The following DHX57 variants were observed in gnomAD, a reference collection of about 807,000 sequenced individuals.
DHX57 encodes the protein DExH-box helicase 57.
A neutral mutation model predicts 156.2 loss-of-function variants in DHX57; 105 were observed. The observed-to-expected ratio is 0.67, with a 90% CI of 0.57 to 0.79. DHX57 has a LOEUF of 0.79. DHX57 is among the 30% of genes least tolerant of loss of function. The pLI is 0.00. For missense variants in DHX57, 1,847 were observed against 1,661.9 expected, an observed-to-expected ratio of 1.11 and a Z score of -1.94; for synonymous variants, 704 against 595.6, an observed-to-expected ratio of 1.18 and a Z score of -2.65.
intron 21 of DHX57, 58 bp downstream of exon 21, chr2:38,813,763 A>G: frequency 6.3e-7 from 1 of 1,578,938 alleles, no homozygotes; most frequent in East Asian, 2.3e-5. Flanking sequence ...CTTAACTTAC[A>G]TCACTTGGCT....
chr2:38,856,471 T>C lies in DHX57; in HGVS notation c.1588-10A>G, dbSNP rs770359387. On this transcript the variant is annotated splice_polypyrimidine_tract_variant and intron_variant, in intron 6 of 23. Transcript: ENST00000457308. ...GGAACTGTCTGGAAGCCTAATAAAA[T>C]CAAAGATAAGATATCAGTTGGGTTA... 1.3e-6 allele frequency: 2 copies of C among 1,567,172 alleles called. No individual in the cohort carries two copies. The highest frequency in any genetic ancestry group is 1.7e-6 in the Non-Finnish European group (2 of 1,159,778).
intron 2 of DHX57, 74 bp downstream of exon 2, chr2:38,868,108 T>G (rs1665170498): frequency 1.9e-6 from 3 of 1,549,090 alleles, no homozygotes; most frequent in Admixed American, 3.6e-5. Context: ...TTTTCCATTC[T>G]CAGCCATCTG....
chr2:38,841,703 G>A (rs1324407709), intron 12 of DHX57, among the ~76,000 whole-genome samples: 1 of 152,158 alleles, frequency 6.6e-6, no homozygotes, highest in African/African-American at 2.4e-5. Context: ...GGAAAAAGGA[G>A]CAAGAAGGAC....
Position 38,868,309 on chromosome 2 carries a change from A to G in DHX57, c.97T>C (p.Ser33Pro), listed in dbSNP as rs779045038. ...GRGGRSHASK[S>P]HGSGGGGGGG... ...CCGCCACCGCCACCACTCCCATGAG[A>G]TTTACTGGCGTGACTCCTGCCTCCT... Residue 33 changes from serine to proline, a missense_variant, in exon 2 of 24, where the codon TCT becomes CCT. By Grantham distance (74) the Ser-to-Pro change is moderately conservative. Transcript: ENST00000457308. 5 of 1,613,030 alleles carry G rather than the reference A, an allele frequency of 3.1e-6. No homozygotes were observed. The South Asian group carries it at 5.5e-5, about 18-fold the overall frequency.
intron 13 of DHX57, among the ~76,000 whole-genome samples, chr2:38,829,476 TGGTC>T (rs1558374500): frequency 6.6e-6 from 1 of 151,474 alleles, no homozygotes; most frequent in Non-Finnish European, 1.5e-5. Flanking sequence ...TTCACCATGT[TGGTC>T]AGGCTGGTCT....
At chr2:38,802,632 G>A in intron 23 of DHX57, 83 bp downstream of exon 23, 1 of 1,535,214 alleles carries the variant, frequency 6.5e-7, no homozygotes, top group Non-Finnish European at 8.9e-7. Flanking sequence ...GGTCCCTAGA[G>A]GAATGCCCTT....
chr2:38,806,718 T>C (rs910121157), intron 21 of DHX57, 25 bp from the exon 22 acceptor site: 15 of 1,605,748 alleles, frequency 9.3e-6, no homozygotes, highest in African/African-American at 2.7e-5. Context: ...TTTGTAAAAA[T>C]AGACATATAA....
intron 22 of DHX57, among the ~76,000 whole-genome samples, chr2:38,803,490 T>A (rs942101093): frequency 0.022 from 77 of 3,518 alleles, no homozygotes; most frequent in Admixed American, 0.033. Flanking sequence ...AGCTAACAAA[T>A]TTTTTTTTTT....
intron 23 of DHX57, among the ~76,000 whole-genome samples, chr2:38,800,588 G>T (rs1669636119): frequency 6.6e-6 from 1 of 152,136 alleles, no homozygotes; most frequent in African/African-American, 2.4e-5. Flanking sequence ...GGTACTCCAG[G>T]TATTCAAGTT....
Position 38,798,194 on chromosome 2 carries a change from C to T in DHX57, c.*105G>A. The T allele has an allele frequency of 6.8e-7, 1 of 1,478,524 alleles. No individual in the cohort carries two copies. Among genetic ancestry groups the T allele is most frequent in the South Asian group, 1.4e-5 (1 of 70,788 alleles). The allele number at this position is 1,478,524 out of a possible 1,614,324, so 91.6% of individuals were successfully genotyped here. A position where few individuals can be genotyped will look rare whatever the true frequency, so the allele number is the denominator to read the frequency against. ...GGGCTTCATGCCCTGGGCTCCTCCA[C>T]CAGGGCCAGCCCCAATAGGTCTTTA... On this transcript the variant is annotated 3_prime_UTR_variant, in exon 24 of 24. Coordinates refer to ENST00000457308, the MANE Select transcript of DHX57 (RefSeq NM_198963.3).
chr2:38,874,436 G>A (rs1166906038), intron 1 of DHX57, among the ~76,000 whole-genome samples: 1 of 111,888 alleles, frequency 8.9e-6, no homozygotes, highest in Non-Finnish European at 1.7e-5. Context: ...TTGAGACAGA[G>A]TCTCACTCTG....
rs55726914 is a variant in DHX57, at chr2:38,800,185, CAA to C, written c.4018-1745_4018-1744del. On this transcript the variant is annotated intron_variant, in intron 23 of 23. Transcript: ENST00000457308. ...GGGCAACAAGAGCGAAACTCCATCT[CAA>C]AAAAAAAAAAAAAAAAAATAGCCGG... 5.6e-3 allele frequency among the ~76,000 whole-genome samples: 526 copies of C among 93,470 alleles called. 2 individuals are homozygous for C. The highest frequency in any genetic ancestry group is 0.012 in the African/African-American group (300 of 24,324). 61.3% of individuals were successfully genotyped at this position (93,470 alleles called of 152,430 possible).
Position 38,858,646 on chromosome 2 carries a change from C to T in DHX57, c.1587+15G>A. ...TTAGGGAGGCAACGTTACTCATTCT[C>T]TCAGCATACCCTACCTGTTTCATTC... On this transcript the variant is annotated intron_variant, in intron 6 of 23. Coordinates refer to ENST00000457308, the MANE Select transcript of DHX57 (RefSeq NM_198963.3). 6.2e-7 allele frequency: 1 copy of T among 1,602,560 alleles called. No homozygotes were observed. Among genetic ancestry groups the T allele is most frequent in the Non-Finnish European group, 8.5e-7 (1 of 1,175,746 alleles).
Position 38,810,769 on chromosome 2 carries a change from T to C in DHX57, c.3681+3052A>G, listed in dbSNP as rs1284376048. On this transcript the variant is annotated intron_variant, in intron 21 of 23. Transcript: ENST00000457308. ...TTGTTTGATTTTGCGCACTTCCTGTTCCATGGCAAAGCCCTCAATGTCTAA... is the reference window on the plus strand; with the variant it reads ...TTGTTTGATTTTGCGCACTTCCTGTCCCATGGCAAAGCCCTCAATGTCTAA... 3 of 819,978 alleles carry C rather than the reference T, an allele frequency of 3.7e-6. No individual in the cohort carries two copies. The East Asian group carries it at 8.0e-5, about 22-fold the overall frequency. 50.8% of individuals were successfully genotyped at this position (819,978 alleles called of 1,614,324 possible).
chr2:38,805,633 A>G (rs1446050261), intron 22 of DHX57, among the ~76,000 whole-genome samples: 2 of 152,194 alleles, frequency 1.3e-5, no homozygotes, highest in East Asian at 1.9e-4. Flanking sequence ...CTCAGTTGGC[A>G]TAAGAAAAGA....
At chr2:38,842,087 A>G (rs1343176121) in intron 12 of DHX57, among the ~76,000 whole-genome samples, 1 of 152,228 alleles carries the variant, frequency 6.6e-6, no homozygotes, top group Non-Finnish European at 1.5e-5. Flanking sequence ...ATTGCCAATA[A>G]TGGGACAAGC....
intron 17 of DHX57, among the ~76,000 whole-genome samples, 188 bp from the exon 18 acceptor site, chr2:38,819,332 G>A (rs1670701382): frequency 6.6e-6 from 1 of 152,048 alleles, no homozygotes; most frequent in Non-Finnish European, 1.5e-5. Context: ...GCCCCATCAG[G>A]CCAGCTAATT....
At chr2:38,798,715 G>C (rs1395804397) in intron 23 of DHX57, among the ~76,000 whole-genome samples, 1 of 149,600 alleles carries the variant, frequency 6.7e-6, no homozygotes, top group Non-Finnish European at 1.5e-5. Flanking sequence ...GGAGGCCAAG[G>C]CGGGCGGATC....
chr2:38,873,648 G>C (rs1665457664), intron 1 of DHX57, among the ~76,000 whole-genome samples: 1 of 152,188 alleles, frequency 6.6e-6, no homozygotes, highest in African/African-American at 2.4e-5. Context: ...TGGGAATGGA[G>C]ATTTGTTCAT....
Sources: gnomAD v4.1 joint callset for allele counts (sites outside exome capture counted in the v4.1 genomes callset) on GRCh38, gnomAD v4.1.1 for gene constraint, MANE v1.5 for transcripts, NCBI Gene and HGNC (gene_info 2026-07-23, HGNC 2026-07-21) for gene names.